The following DRP2 variants were observed in gnomAD, a reference collection of about 807,000 sequenced individuals.
DRP2 encodes dystrophin-related protein 2.
In DRP2, 29 loss-of-function variants were observed where a neutral mutation model predicts 78.2. The ratio of observed to expected loss-of-function variants is 0.37; its 90% CI spans 0.28 to 0.51. DRP2 has a LOEUF of 0.51. DRP2 is among the 20% of genes least tolerant of loss of function. The pLI is 0.94. For missense variants in DRP2, 686 were observed against 770.6 expected (o/e 0.89, Z 1.30); for synonymous variants, 290 against 281.9 (o/e 1.03, Z -0.29).
chrX:101,224,191 G>GTTTTGTTTTTTTTTTTTTTTTTTTT (rs1922007763), intron 1 of DRP2, among the ~76,000 whole-genome samples: 1 of 38,868 alleles, frequency 2.6e-5, no homozygotes, highest in African/African-American at 1.3e-4. Flanking sequence ...GGTTTTTTTT[G>GTTTTGTTTTTTTTTTTTTTTTTTTT]TTTTTTTTTT....
Position 101,224,191 on chromosome X carries a change from G to GTTTTTTTTTTTT in DRP2, c.-166-394_-166-383dup, listed in dbSNP as rs1167730116. Among the ~76,000 whole-genome samples the GTTTTTTTTTTTT allele has an allele frequency of 2.2e-3, 85 of 38,870 alleles. 4 individuals are homozygous for GTTTTTTTTTTTT. The highest frequency in any genetic ancestry group is 4.8e-3 in the African/African-American group (38 of 7,901). 33.8% of individuals were successfully genotyped at this position (38,870 alleles called of 115,157 possible). ...AATAAATGTTTGCTGGGTTTTTTTTGTTTTTTTTTTTTTTTTTTTTTTTTT... is the reference window on the plus strand; with the variant it reads ...AATAAATGTTTGCTGGGTTTTTTTTGTTTTTTTTTTTTTTTTTTTTTTTTTTTTTTTTTTTTT... On this transcript the variant is annotated intron_variant, in intron 1 of 23. Transcript: ENST00000395209.
intron 1 of DRP2, among the ~76,000 whole-genome samples, chrX:101,223,830 C>T (rs1050871527): frequency 2.7e-5 from 3 of 111,825 alleles, no homozygotes; most frequent in African/African-American, 9.8e-5. Context: ...TCTCAAAGGT[C>T]CTTTCTAGCT....
chrX:101,255,865 G>A (rs1024642956), intron 20 of DRP2, among the ~76,000 whole-genome samples: 6 of 86,651 alleles, frequency 6.9e-5, no homozygotes, highest in East Asian at 4.8e-4. Flanking sequence ...ATTGTTTCCC[G>A]GGGAGGGGGG....
intron 9 of DRP2, 122 bp downstream of exon 9, chrX:101,243,104 G>A (rs1373232767): frequency 9.6e-6 from 6 of 623,580 alleles, no homozygotes; most frequent in Non-Finnish European, 7.6e-6. Flanking sequence ...AAGCAGTAAG[G>A]ATAAAACAGT....
At chrX:101,245,124 C>A (rs1206177517) in intron 10 of DRP2, 47 bp downstream of exon 10, 1 of 1,118,244 alleles carries the variant, frequency 8.9e-7, no homozygotes, top group Admixed American at 2.2e-5. Flanking sequence ...CTGCCCACCC[C>A]CTCCCTCTCC....
Position 101,242,412 on chromosome X carries a change from T to C in DRP2, c.916T>C (p.Leu306=). Residue 306 remains leucine (L), a synonymous_variant, in exon 8 of 24, where the codon TTG becomes CTG. Coordinates refer to ENST00000395209, the MANE Select transcript of DRP2 (RefSeq NM_001939.3). ...CCAACTTGCCATTTCTGATGTGCACTTGTCAATGGAGAATTCCCAGGCCCT... is the reference window on the plus strand; with the variant it reads ...CCAACTTGCCATTTCTGATGTGCACCTGTCAATGGAGAATTCCCAGGCCCT... The part of the protein sequence containing the change: ...AHQLAISDVH[L]SMENSQALEQ... The C allele has an allele frequency of 5.8e-6, 7 of 1,211,525 alleles. No individual in the cohort carries two copies. The highest frequency in any genetic ancestry group is 7.8e-6 in the Non-Finnish European group (7 of 895,463).
chrX:101,260,824 C>T lies in DRP2; in HGVS notation c.*203C>T. The T allele has an allele frequency of 2.4e-6, 1 of 420,826 alleles. No homozygotes were observed. Among genetic ancestry groups the T allele is most frequent in the Non-Finnish European group, 3.8e-6 (1 of 259,770 alleles). 34.7% of individuals were successfully genotyped at this position (420,826 alleles called of 1,213,427 possible). Reference sequence around the variant, plus strand: ...TGGGAGAAGGGGAGGCATGATTCTTCTGACCCTAGAAATGTTCCCTTTAAT... The same window carrying T: ...TGGGAGAAGGGGAGGCATGATTCTTTTGACCCTAGAAATGTTCCCTTTAAT... On this transcript the variant is annotated 3_prime_UTR_variant, in exon 24 of 24. Transcript: ENST00000395209.
At chrX:101,227,131 A>T (rs1752361750) in intron 2 of DRP2, among the ~76,000 whole-genome samples, 1 of 111,639 alleles carries the variant, frequency 9.0e-6, no homozygotes. Context: ...CCATGAGTGG[A>T]TTAATCCATT....
chrX:101,246,044 C>CA (rs1922922054), intron 11 of DRP2, among the ~76,000 whole-genome samples: 1 of 112,235 alleles, frequency 8.9e-6, no homozygotes, highest in African/African-American at 3.2e-5. Flanking sequence ...AACTTGTAGA[C>CA]ATTGAATCTG....
chrX:101,248,583 G>A lies in DRP2; in HGVS notation c.1524G>A (p.Val508=). Residue 508 remains valine, a synonymous_variant, in exon 14 of 24, where the codon GTG becomes GTA. Transcript: ENST00000395209. The part of the protein sequence containing the change: ...TGIACLCGTE[V]KEKLQYLFSQ... The stretch of plus-strand genomic sequence containing the variant: ...TTGCATGCTTGTGTGGCACGGAAGT[G>A]AAGGAAAAACTTCAGTGTGAGTAGA... 1 of 1,211,837 alleles carries A rather than the reference G, an allele frequency of 8.3e-7. No individual in the cohort carries two copies. Among genetic ancestry groups the A allele is most frequent in the East Asian group, 3.0e-5 (1 of 33,874 alleles).
At chrX:101,225,309 A>G (rs961817925) in intron 2 of DRP2, among the ~76,000 whole-genome samples, 4 of 111,462 alleles carry the variant, frequency 3.6e-5, no homozygotes, top group Non-Finnish European at 3.8e-5. Context: ...GTATGGATAC[A>G]CTTTCCAGGT....
intron 1 of DRP2, among the ~76,000 whole-genome samples, chrX:101,223,376 ATT>A (rs1362770062): frequency 9.0e-6 from 1 of 111,642 alleles, no homozygotes; most frequent in Non-Finnish European, 1.9e-5. Flanking sequence ...TAGTTTACTC[ATT>A]TTTTTCACTA....
At chrX:101,259,632 G>A (rs756132222) in intron 22 of DRP2, among the ~76,000 whole-genome samples, 1 of 111,574 alleles carries the variant, frequency 9.0e-6, no homozygotes, top group South Asian at 3.8e-4. Flanking sequence ...CCAAGTAGCT[G>A]GGATTATAGG....
In DRP2 at chrX:101,260,180, C is replaced by G; in HGVS notation, c.2749+11C>G. 8.3e-7 allele frequency: 1 copy of G among 1,209,741 alleles called. No homozygotes were observed. Among genetic ancestry groups the G allele is most frequent in the Non-Finnish European group, 1.1e-6 (1 of 894,619 alleles). ...ATACCGAGGCTGCAGGTGAGTTCCC[C>G]TGGCCTTTCCCAGCCCCTTTCTCCA... On this transcript the variant is annotated intron_variant, in intron 23 of 23. Transcript: ENST00000395209.
At chrX:101,249,345 G>A (rs889102562) in intron 14 of DRP2, among the ~76,000 whole-genome samples, 4 of 112,332 alleles carry the variant, frequency 3.6e-5, no homozygotes, top group African/African-American at 1.3e-4. Flanking sequence ...ACAGCAGTCT[G>A]GAAAAACTTT....
At chrX:101,251,322 T>C in intron 16 of DRP2, 1 of 291,291 alleles carries the variant, frequency 3.4e-6, no homozygotes, top group Non-Finnish European at 5.9e-6. Flanking sequence ...CAAAAATGTA[T>C]AGAAGAACAT....
Position 101,239,188 on chromosome X carries a change from A to G in DRP2, c.559+87A>G, listed in dbSNP as rs1922624408. The G allele has an allele frequency of 5.6e-6, 6 of 1,070,227 alleles. No homozygotes were observed. In the Admixed American group the frequency reaches 1.1e-4, roughly 20 times the overall value. 88.2% of individuals were successfully genotyped at this position (1,070,227 alleles called of 1,213,427 possible). ...ACACCCTCCTGCCTTCCCCAAACTCATTTTCTTACCTGTTATCTAGGAGGA... is the reference window on the plus strand; with the variant it reads ...ACACCCTCCTGCCTTCCCCAAACTCGTTTTCTTACCTGTTATCTAGGAGGA... On this transcript the variant is annotated intron_variant, in intron 6 of 23. Transcript: ENST00000395209.
intron 21 of DRP2, among the ~76,000 whole-genome samples, chrX:101,257,429 T>TAA (rs57717609): frequency 0.3 from 15,146 of 51,238 alleles, 1,706 homozygotes; most frequent in Middle Eastern, 0.35. Context: ...CAAGGCAAGA[T>TAA]AAAAAAAAAA....
chrX:101,238,936 T>C (rs375382705), intron 5 of DRP2, 45 bp from the exon 6 acceptor site: 10 of 1,192,615 alleles, frequency 8.4e-6, no homozygotes, highest in Admixed American at 2.3e-5. Context: ...GTAAAGTGAT[T>C]GAAAAACTTT....
Sources: gnomAD v4.1 joint callset for allele counts (sites outside exome capture counted in the v4.1 genomes callset) on GRCh38, gnomAD v4.1.1 for gene constraint, MANE v1.5 for transcripts, NCBI Gene and HGNC (gene_info 2026-07-23, HGNC 2026-07-21) for gene names.